OXR1: variants seen among roughly 807,000 people sequenced by gnomAD.
OXR1 encodes the protein oxidation resistance 1, also known as oxidation resistance protein 1.
Under a neutral mutation model 104.6 loss-of-function variants are expected in OXR1, and 41 were observed. The observed-to-expected ratio is 0.39, with a 90% CI of 0.31 to 0.51. The LOEUF (loss-of-function observed/expected upper bound fraction) is 0.51. Among genes scored for constraint, OXR1 ranks in the 20% least tolerant of loss-of-function variants. OXR1 has a pLI of 0.77. For missense variants in OXR1, 955 were observed against 1,031.9 expected (o/e 0.93, Z 1.02); for synonymous variants, 348 against 348.4 (o/e 1.00, Z 0.01).
Position 106,427,404 on chromosome 8 carries a change from T to C in OXR1, c.23+67768T>C, listed in dbSNP as rs188455330. 1.9e-3 allele frequency among the ~76,000 whole-genome samples: 292 copies of C among 152,232 alleles called. 1 individual carries two copies. The highest frequency in any genetic ancestry group is 0.01 in the Middle Eastern group (3 of 294). On this transcript the variant is annotated intron_variant, in intron 2 of 16. Coordinates refer to ENST00000517566, the MANE Select transcript of OXR1 (RefSeq NM_001198533.2). ...GGATGGTCTCGATCTCCTGACCTCG[T>C]GATCTGCCCGCCTCAGCCTCCCAAA...
intron 3 of OXR1, among the ~76,000 whole-genome samples, chr8:106,666,903 T>G (rs1303400486): frequency 6.6e-6 from 1 of 152,206 alleles, no homozygotes; most frequent in Non-Finnish European, 1.5e-5. Flanking sequence ...GACTAAAATT[T>G]GGCTATGCAA....
intron 2 of OXR1, among the ~76,000 whole-genome samples, chr8:106,497,393 A>G (rs779292866): frequency 3.3e-5 from 5 of 152,196 alleles, no homozygotes; most frequent in Admixed American, 6.5e-5. Context: ...ATTTTTATCT[A>G]TTAGAAAATT....
At chr8:106,458,598 G>A (rs1024685361) in intron 2 of OXR1, among the ~76,000 whole-genome samples, 2 of 152,090 alleles carry the variant, frequency 1.3e-5, no homozygotes, top group Non-Finnish European at 2.9e-5. Flanking sequence ...TCTCAGAACT[G>A]TAGAGCTACC....
intron 2 of OXR1, among the ~76,000 whole-genome samples, chr8:106,503,277 G>T (rs1359518587): frequency 6.6e-6 from 1 of 152,076 alleles, no homozygotes; most frequent in Non-Finnish European, 1.5e-5. Flanking sequence ...CACTACATCT[G>T]TAACAGGAAG....
At chr8:106,284,895 G>A (rs962736559) in intron 1 of OXR1, among the ~76,000 whole-genome samples, 4 of 152,042 alleles carry the variant, frequency 2.6e-5, no homozygotes, top group Non-Finnish European at 5.9e-5. Context: ...ATTATAAAGG[G>A]CTGGAGATAC....
At chr8:106,494,092 C>T (rs1302691115) in intron 2 of OXR1, among the ~76,000 whole-genome samples, 1 of 152,040 alleles carries the variant, frequency 6.6e-6, no homozygotes, top group African/African-American at 2.4e-5. Context: ...ATTACTAAAC[C>T]CATTTTACAG....
chr8:106,741,314 A>T (rs1037860067), intron 14 of OXR1, among the ~76,000 whole-genome samples: 6 of 152,274 alleles, frequency 3.9e-5, no homozygotes, highest in African/African-American at 1.4e-4. Flanking sequence ...AAGTTTTATC[A>T]GTGGGCCAAA....
intron 4 of OXR1, among the ~76,000 whole-genome samples, chr8:106,681,548 AG>A (rs1267573308): frequency 1.3e-5 from 2 of 152,090 alleles, no homozygotes; most frequent in Non-Finnish European, 2.9e-5. Flanking sequence ...TTCTGGAGAC[AG>A]GGTCTTGCTT....
rs1587282392 is a variant in OXR1 at position 106,733,985 on chromosome 8, C to A, written c.1957-3535C>A. ...TCAAACTTCACTAATAGAATTAATTCTGGATTTTTTTTTTTTTTTTTTTAA... is the reference window on the plus strand; with the variant it reads ...TCAAACTTCACTAATAGAATTAATTATGGATTTTTTTTTTTTTTTTTTTAA... On this transcript the variant is annotated intron_variant, in intron 11 of 16. Coordinates refer to ENST00000517566, the MANE Select transcript of OXR1 (RefSeq NM_001198533.2). 2.6e-5 allele frequency among the ~76,000 whole-genome samples: 3 copies of A among 114,644 alleles called. No individual in the cohort carries two copies. In the South Asian group the frequency reaches 9.0e-4, roughly 34 times the overall value. The allele number at this position is 114,644 out of a possible 152,430, so 75.2% of individuals were successfully genotyped here.
intron 2 of OXR1, among the ~76,000 whole-genome samples, chr8:106,415,808 C>T (rs1050190528): frequency 6.6e-6 from 1 of 152,054 alleles, no homozygotes; most frequent in Non-Finnish European, 1.5e-5. Context: ...AAGCCTTCTT[C>T]CTTTTTCCTT....
intron 2 of OXR1, among the ~76,000 whole-genome samples, chr8:106,367,209 G>A (rs7829945): frequency 0.019 from 2,931 of 151,792 alleles, 78 homozygotes; most frequent in African/African-American, 0.066. Flanking sequence ...CTACAGGTGC[G>A]TGCCACCATG....
chr8:106,299,505 T>C (rs1402645570), intron 1 of OXR1, among the ~76,000 whole-genome samples: 1 of 152,190 alleles, frequency 6.6e-6, no homozygotes, highest in Non-Finnish European at 1.5e-5. Flanking sequence ...AATGTAATTG[T>C]ACCCAGGGCA....
chr8:106,489,735 G>A (rs1479145347), intron 2 of OXR1, among the ~76,000 whole-genome samples: 1 of 152,022 alleles, frequency 6.6e-6, no homozygotes, highest in South Asian at 2.1e-4. Context: ...ATCATGTTTA[G>A]TTTTATGAAA....
chr8:106,610,731 C>T (rs768437379), intron 3 of OXR1, among the ~76,000 whole-genome samples: 4 of 152,158 alleles, frequency 2.6e-5, no homozygotes, highest in African/African-American at 4.8e-5. Flanking sequence ...TTACTCTTTC[C>T]TCCTTTAAAT....
intron 2 of OXR1, among the ~76,000 whole-genome samples, chr8:106,401,214 C>T (rs1376306424): frequency 2.0e-5 from 3 of 152,120 alleles, no homozygotes; most frequent in Non-Finnish European, 4.4e-5. Flanking sequence ...GTTCTGCCCA[C>T]GAGAAAGATG....
At position 106,347,619 on chromosome 8, in the gene OXR1, T is replaced by C. The variant is rs375071393; in HGVS notation, c.-138-11857T>C. Among the ~76,000 whole-genome samples, 7 of 152,354 alleles carry C rather than the reference T, an allele frequency of 4.6e-5. No homozygotes were observed. In the East Asian group the frequency reaches 7.7e-4, roughly 17 times the overall value. ...AGGAAAAAAATTAAGATATAATTAT[T>C]GTTCTTGAGGAATTAGTAAAAGCCA... On this transcript the variant is annotated intron_variant, in intron 1 of 16. Transcript: ENST00000517566.
chr8:106,375,099 C>G (rs77536601), intron 2 of OXR1, among the ~76,000 whole-genome samples: 3,454 of 152,180 alleles, frequency 0.023, 133 homozygotes, highest in African/African-American at 0.079. Flanking sequence ...ATATTTTTCC[C>G]TGAGGTTTTT....
chr8:106,739,180 A>G (rs1333068001), intron 12 of OXR1, among the ~76,000 whole-genome samples: 1 of 151,756 alleles, frequency 6.6e-6, no homozygotes, highest in Non-Finnish European at 1.5e-5. Flanking sequence ...GCATGCAACT[A>G]TCTTCTTTAC....
intron 2 of OXR1, among the ~76,000 whole-genome samples, chr8:106,507,385 G>A (rs1202220610): frequency 6.6e-6 from 1 of 152,142 alleles, no homozygotes; most frequent in Non-Finnish European, 1.5e-5. Context: ...GGCAAGTGTC[G>A]AATGCCAGGC....
Sources: allele counts gnomAD v4.1 joint callset (sites outside exome capture counted in the v4.1 genomes callset), GRCh38; gene constraint gnomAD v4.1.1; transcripts MANE v1.5; gene names NCBI Gene and HGNC (gene_info 2026-07-23, HGNC 2026-07-21).